Variants in SHANK2 observed in about 807,000 individuals in gnomAD.
SHANK2 encodes the protein SH3 and multiple ankyrin repeat domains 2, also known as SH3 and multiple ankyrin repeat domains protein 2.
In SHANK2, 43 loss-of-function variants were observed where a neutral mutation model predicts 133.7. The ratio of observed to expected loss-of-function variants is 0.32; its 90% CI spans 0.25 to 0.41. The LOEUF is 0.41. SHANK2 is among the 10% of genes least tolerant of loss of function. The pLI, the probability that SHANK2 is intolerant of heterozygous loss-of-function variation, is 1.00. For synonymous variants in SHANK2, 1,017 were observed against 952.8 expected, an observed-to-expected ratio of 1.07 and a Z score of -1.24; for missense variants, 1,994 against 2,235.8, an observed-to-expected ratio of 0.89 and a Z score of 2.18.
At chr11:70,576,400 C>T (rs1028996779) in intron 17 of SHANK2, among the ~76,000 whole-genome samples, 13 of 152,132 alleles carry the variant, frequency 8.5e-5, no homozygotes, top group East Asian at 7.8e-4. Context: ...TTTGGGAGGC[C>T]GAGGCGGGCA....
chr11:70,497,050 C>A (rs781821132), intron 21 of SHANK2: 1 of 456,446 alleles, frequency 2.2e-6, no homozygotes, highest in South Asian at 1.5e-5. Flanking sequence ...TGAGAGCAGC[C>A]GGGCGTGTTG....
At chr11:70,605,113 G>C (rs956989164) in intron 17 of SHANK2, among the ~76,000 whole-genome samples, 2 of 152,262 alleles carry the variant, frequency 1.3e-5, no homozygotes, top group African/African-American at 4.8e-5. Context: ...CCTCAGTGAA[G>C]GGCAGGGCTT....
At chr11:71,243,239 G>A (rs1954916709) in intron 1 of SHANK2, among the ~76,000 whole-genome samples, 1 of 152,146 alleles carries the variant, frequency 6.6e-6, no homozygotes, top group Non-Finnish European at 1.5e-5. Flanking sequence ...TGAAATCTAA[G>A]CTAGAAAAGC....
At chr11:70,809,859 C>T (rs1386070519) in intron 12 of SHANK2, among the ~76,000 whole-genome samples, 1 of 152,138 alleles carries the variant, frequency 6.6e-6, no homozygotes, top group African/African-American at 2.4e-5. Context: ...CTTCCCTGTC[C>T]CCTGTCCCTA....
chr11:70,948,665 C>T (rs547418228), intron 10 of SHANK2, among the ~76,000 whole-genome samples: 45 of 152,254 alleles, frequency 3.0e-4, no homozygotes, highest in African/African-American at 9.6e-4. Context: ...GGACCAGGGG[C>T]GGGCTGCAGG....
chr11:71,135,892 G>A (rs1478028557), intron 3 of SHANK2, among the ~76,000 whole-genome samples: 1 of 152,126 alleles, frequency 6.6e-6, no homozygotes, highest in East Asian at 1.9e-4. Flanking sequence ...GTCTGAAGCT[G>A]TTCTGGTTGC....
At position 70,820,429 on chromosome 11, in the gene SHANK2, T is replaced by C. The variant is rs1482799601; in HGVS notation, c.1428A>G (p.Pro476=). The C allele has an allele frequency of 2.8e-6, 2 of 708,984 alleles. No homozygotes were observed. Among genetic ancestry groups the C allele is most frequent in the Non-Finnish European group, 5.3e-6 (2 of 378,836 alleles). The allele number at this position is 708,984 out of a possible 1,614,324, so 43.9% of individuals were successfully genotyped here. Residue 476 remains proline, a synonymous_variant, in exon 12 of 26, where the codon CCA becomes CCG. Transcript: ENST00000601538. ...SYVPGPRSRS[P]SLNRLGGAGE... ...CTGCGCCGCCCAGCCTGTTGAGCGATGGGGACCGGCTGCGGGGCCCGGGCA... is the reference window on the plus strand; with the variant it reads ...CTGCGCCGCCCAGCCTGTTGAGCGACGGGGACCGGCTGCGGGGCCCGGGCA...
chr11:70,612,244 T>G (rs2060668560), intron 17 of SHANK2, among the ~76,000 whole-genome samples: 1 of 152,086 alleles, frequency 6.6e-6, no homozygotes, highest in Admixed American at 6.5e-5. Flanking sequence ...AACTCACACG[T>G]GCTGGGCAGG....
intron 10 of SHANK2, among the ~76,000 whole-genome samples, chr11:70,926,689 G>T (rs2135783173): frequency 6.6e-6 from 1 of 152,334 alleles, no homozygotes; most frequent in South Asian, 2.1e-4. Flanking sequence ...CAAGAGCTGA[G>T]ACCAGAAGGC....
At chr11:70,743,320 T>C (rs1412170348) in intron 14 of SHANK2, among the ~76,000 whole-genome samples, 2 of 151,002 alleles carry the variant, frequency 1.3e-5, no homozygotes, top group African/African-American at 4.9e-5. Context: ...CTTTGGGAGG[T>C]GATTAGGGTT....
chr11:70,654,521 T>G, intron 17 of SHANK2: 1 of 152,226 alleles, frequency 6.6e-6, no homozygotes, highest in African/African-American at 2.4e-5. Context: ...ATGACTATAC[T>G]GGGGAAAGAT....
chr11:70,803,774 C>T (rs1268844677), intron 13 of SHANK2, among the ~76,000 whole-genome samples: 1 of 149,068 alleles, frequency 6.7e-6, no homozygotes, highest in Non-Finnish European at 1.5e-5. Context: ...GAAGAATGTG[C>T]CAGGCACAGT....
intron 11 of SHANK2, among the ~76,000 whole-genome samples, chr11:70,861,869 C>A (rs1949263790): frequency 6.6e-6 from 1 of 151,894 alleles, no homozygotes; most frequent in African/African-American, 2.4e-5. Context: ...GGGAGGAGAA[C>A]CAAAAGAACA....
At chr11:70,912,477 C>T (rs1555079213) in intron 10 of SHANK2, among the ~76,000 whole-genome samples, 1 of 152,104 alleles carries the variant, frequency 6.6e-6, no homozygotes, top group East Asian at 1.9e-4. Context: ...CAGGAGATCT[C>T]ATAGGTTTAC....
chr11:70,473,463 CCAT>C lies in SHANK2; in HGVS notation c.4980-27_4980-25del. On this transcript the variant is annotated intron_variant, in intron 25 of 25. Coordinates refer to ENST00000601538, the MANE Select transcript of SHANK2 (RefSeq NM_012309.5). The surrounding 1 kb of genome is among the most constrained non-coding windows in gnomAD (Gnocchi z 5.9). Reference sequence around the variant, plus strand: ...TTCTGAAACAGCAACACAGAGAAAACCATCACAAGGCAGGTCACCGAGTCAGGG... The same window carrying C: ...TTCTGAAACAGCAACACAGAGAAAACCACAAGGCAGGTCACCGAGTCAGGG... 6.3e-7 allele frequency: 1 copy of C among 1,599,530 alleles called. No individual in the cohort carries two copies. Among genetic ancestry groups the C allele is most frequent in the Non-Finnish European group, 8.5e-7 (1 of 1,179,282 alleles).
chr11:70,778,505 G>T (rs1348450156), intron 14 of SHANK2, among the ~76,000 whole-genome samples: 1 of 152,208 alleles, frequency 6.6e-6, no homozygotes, highest in Admixed American at 6.5e-5. Flanking sequence ...CTTTAGAGAG[G>T]TAATTAAGAT....
At chr11:71,161,898 T>C (rs1322137324) in intron 2 of SHANK2, among the ~76,000 whole-genome samples, 8 of 152,244 alleles carry the variant, frequency 5.3e-5, no homozygotes, top group Non-Finnish European at 8.8e-5. Flanking sequence ...CTATTTTTCA[T>C]TGGCATTTTC....
In SHANK2 at chr11:70,716,432, A is replaced by C. The variant is rs117854766; in HGVS notation, c.1778-17669T>G. 3.9e-5 allele frequency among the ~76,000 whole-genome samples: 6 copies of C among 152,308 alleles called. No individual in the cohort carries two copies. The East Asian group carries it at 1.2e-3, about 29-fold the overall frequency. On this transcript the variant is annotated intron_variant, in intron 14 of 25. Transcript: ENST00000601538. The stretch of plus-strand genomic sequence containing the variant: ...GGCTTCGGAAATAGGACATCTAGAA[A>C]AAAGACCTGTTGAGCTCAAGGAAAC...
chr11:71,164,825 C>T (rs548166946), intron 2 of SHANK2, among the ~76,000 whole-genome samples: 1 of 152,278 alleles, frequency 6.6e-6, no homozygotes, highest in Admixed American at 6.5e-5. Flanking sequence ...CTAGGAGAGA[C>T]GCCAAGTCCT....
Sources: gnomAD v4.1 joint callset for allele counts (sites outside exome capture counted in the v4.1 genomes callset) on GRCh38, gnomAD v4.1.1 for gene constraint, Gnocchi (gnomAD v3.1) non-coding constraint, MANE v1.5 for transcripts, NCBI Gene and HGNC (gene_info 2026-07-23, HGNC 2026-07-21) for gene names.